Variants in DHDDS observed in about 807,000 individuals in gnomAD.
The protein encoded by DHDDS is dehydrodolichyl diphosphate synthase complex subunit DHDDS.
In DHDDS, 16 loss-of-function variants were observed where a neutral mutation model predicts 46.2. That is an observed-to-expected ratio of 0.35 (90% CI 0.23 to 0.53). The LOEUF (loss-of-function observed/expected upper bound fraction) is 0.53, where lower values mean the gene tolerates loss of function less well. Among genes scored for constraint, DHDDS ranks in the 20% least tolerant of loss-of-function variants. DHDDS has a pLI of 0.94. For synonymous variants in DHDDS, 151 were observed against 163.1 expected, an observed-to-expected ratio of 0.93 and a Z score of 0.56; for missense variants, 340 against 423.7, an observed-to-expected ratio of 0.80 and a Z score of 1.73.
At chr1:26,461,445 G>A (rs915604648) in intron 8 of DHDDS, among the ~76,000 whole-genome samples, 1 of 151,196 alleles carries the variant, frequency 6.6e-6, no homozygotes, top group African/African-American at 2.4e-5. Context: ...GAGTGCAATG[G>A]CGCAATCTCG....
intron 8 of DHDDS, among the ~76,000 whole-genome samples, chr1:26,460,708 T>C (rs1300222730): frequency 6.6e-6 from 1 of 152,188 alleles, no homozygotes; most frequent in Non-Finnish European, 1.5e-5. Flanking sequence ...ATAATGGTAG[T>C]GGTAGCTAAC....
intron 6 of DHDDS, among the ~76,000 whole-genome samples, chr1:26,455,423 C>G (rs1039281930): frequency 4.6e-5 from 7 of 152,146 alleles, no homozygotes; most frequent in Admixed American, 4.6e-4. Context: ...AGAAAGCTCT[C>G]TCTGTGGTTT....
chr1:26,446,279 G>T, intron 4 of DHDDS, 37 bp from the exon 5 acceptor site: 1 of 1,598,914 alleles, frequency 6.3e-7, no homozygotes, highest in East Asian at 2.2e-5. Context: ...AGCTCAGCAG[G>T]GGCCCTATCC....
chr1:26,462,361 T>A (rs1051925433), intron 8 of DHDDS, among the ~76,000 whole-genome samples: 11 of 152,212 alleles, frequency 7.2e-5, no homozygotes, highest in Non-Finnish European at 1.0e-4. Flanking sequence ...TTATCATCTT[T>A]AAACACTTCA....
chr1:26,465,165 T>C (rs979079513), intron 8 of DHDDS, among the ~76,000 whole-genome samples: 7 of 152,192 alleles, frequency 4.6e-5, no homozygotes, highest in African/African-American at 1.7e-4. Context: ...AGGTCACTGA[T>C]GGAGATGAGT....
chr1:26,437,805 AAAAAG>A (rs1373958906), intron 2 of DHDDS, among the ~76,000 whole-genome samples: 19 of 151,892 alleles, frequency 1.3e-4, no homozygotes, highest in African/African-American at 2.2e-4. Flanking sequence ...AGAAAAAAAA[AAAAAG>A]AAAAGAAAAG....
chr1:26,447,660 G>C lies in DHDDS; in HGVS notation c.542G>C (p.Ser181Thr), dbSNP rs769323514. ...WGVEQGLLDPSDISESLLDKC... is the reference protein window; with the variant it reads ...WGVEQGLLDPTDISESLLDKC... ...GTGGAGCAAGGCCTGTTGGATCCCA[G>C]GTATCCCGAGTTGTTTTGCATGGTA... is the stretch of plus-strand genomic sequence containing the variant. Residue 181 changes from serine (S) to threonine (T), a missense_variant and splice_region_variant, in exon 6 of 9, where the codon AGT (serine) becomes ACT (threonine). Ser to Thr is a moderately conservative substitution (Grantham distance 58). Transcript: ENST00000236342. The C allele has an allele frequency of 6.2e-7, 1 of 1,613,554 alleles. No individual in the cohort carries two copies.
chr1:26,461,000 A>C (rs945599109), intron 8 of DHDDS, among the ~76,000 whole-genome samples: 1 of 152,018 alleles, frequency 6.6e-6, no homozygotes, highest in Non-Finnish European at 1.5e-5. Context: ...CAGCCTCCCA[A>C]CTAGCTGGGA....
rs771905438 is a variant in DHDDS at position 26,446,362 on chromosome 1, C to T, written c.370C>T (p.Leu124=). ...GGTGTGTATCCGGGTCCTGGGCGAT[C>T]TGCACTTGTTGCCCTTGGATCTCCA... ...HGVCIRVLGD[L]HLLPLDLQEL... is the part of the protein sequence containing the mutation. The change falls in exon 5 of 9, where the codon CTG becomes TTG. Residue 124 remains leucine (L), a synonymous_variant. Transcript: ENST00000236342. The T allele has an allele frequency of 6.2e-7, 1 of 1,614,068 alleles. No individual in the cohort carries two copies. Among genetic ancestry groups the T allele is most frequent in the Admixed American group, 1.7e-5 (1 of 60,010 alleles).
Position 26,469,573 on chromosome 1 carries a change from ATAAC to A in DHDDS, c.*446_*449del. ...GGCTCTACCTTGGATCTGCTAGTAA[ATAAC>A]TAATAGGCAGGCAGTTATTTGGGTA... On this transcript the variant is annotated 3_prime_UTR_variant, in exon 9 of 9. Coordinates refer to ENST00000236342, the MANE Select transcript of DHDDS (RefSeq NM_205861.3). 1 of 254,176 alleles carries A rather than the reference ATAAC, an allele frequency of 3.9e-6. No individual in the cohort carries two copies. The highest frequency in any genetic ancestry group is 9.4e-5 in the East Asian group (1 of 10,652). The allele number at this position is 254,176 out of a possible 1,614,324, so 15.7% of individuals were successfully genotyped here.
At chr1:26,445,070 A>C (rs964375950) in intron 4 of DHDDS, among the ~76,000 whole-genome samples, 1 of 79,838 alleles carries the variant, frequency 1.3e-5, no homozygotes, top group Non-Finnish European at 2.4e-5. Flanking sequence ...CCCTACGTGC[A>C]AATCCTGGTT....
chr1:26,432,457 A>C (rs762354313), intron 1 of DHDDS, 81 bp downstream of exon 1: 131 of 172,756 alleles, frequency 7.6e-4, no homozygotes, highest in Non-Finnish European at 1.2e-3. Context: ...CAAAGGGACG[A>C]CTGAGGGAAT....
At chr1:26,437,486 T>C (rs2075171866) in intron 2 of DHDDS, among the ~76,000 whole-genome samples, 1 of 151,330 alleles carries the variant, frequency 6.6e-6, no homozygotes, top group East Asian at 2.0e-4. Context: ...TTTTTTTTTT[T>C]TTGAGACAGA....
chr1:26,457,663 T>C, intron 6 of DHDDS, 128 bp from the exon 7 acceptor site: 1 of 740,200 alleles, frequency 1.4e-6, no homozygotes, highest in Non-Finnish European at 2.4e-6. Flanking sequence ...CTGTGTAGTA[T>C]TGGCTAGTGT....
At chr1:26,439,771 T>C (rs574920286) in intron 3 of DHDDS, among the ~76,000 whole-genome samples, 1 of 152,326 alleles carries the variant, frequency 6.6e-6, no homozygotes, top group South Asian at 2.1e-4. Flanking sequence ...CATTTTATGG[T>C]ATAATGCATG....
intron 6 of DHDDS, among the ~76,000 whole-genome samples, chr1:26,449,342 C>T (rs2075298454): frequency 6.6e-6 from 1 of 152,014 alleles, no homozygotes; most frequent in Non-Finnish European, 1.5e-5. Flanking sequence ...CTCAAGTGAT[C>T]TGTCTGCCTC....
At chr1:26,452,341 C>A (rs1198833864) in intron 6 of DHDDS, among the ~76,000 whole-genome samples, 1 of 152,146 alleles carries the variant, frequency 6.6e-6, no homozygotes, top group African/African-American at 2.4e-5. Flanking sequence ...CGGCACCTGA[C>A]CGAGGTATAT....
chr1:26,447,568 G>C lies in DHDDS; in HGVS notation c.450G>C (p.Leu150=). The C allele has an allele frequency of 6.2e-7, 1 of 1,614,052 alleles. No homozygotes were observed. The highest frequency in any genetic ancestry group is 1.1e-5 in the South Asian group (1 of 91,068). Reference sequence around the variant, plus strand: ...CTTCTTCCCTCCTCAGGTGTTTCCTGAATGTCTGTTTTGCATACACATCCC... The same window carrying C: ...CTTCTTCCCTCCTCAGGTGTTTCCTCAATGTCTGTTTTGCATACACATCCC... The part of the protein sequence containing the change: ...QATKNYNKCF[L]NVCFAYTSRH... The change falls in exon 6 of 9, where the codon CTG becomes CTC. Residue 150 remains leucine (L), a synonymous_variant. Transcript: ENST00000236342.
intron 4 of DHDDS, among the ~76,000 whole-genome samples, chr1:26,444,188 GT>G (rs1443478777): frequency 6.6e-6 from 1 of 152,186 alleles, no homozygotes; most frequent in Non-Finnish European, 1.5e-5. Context: ...AATGGTCTTC[GT>G]TTATCATGAA....
Sources: allele counts gnomAD v4.1 joint callset (sites outside exome capture counted in the v4.1 genomes callset), GRCh38; gene constraint gnomAD v4.1.1; transcripts MANE v1.5; gene names NCBI Gene and HGNC (gene_info 2026-07-23, HGNC 2026-07-21).